The following TNKS variants were observed in gnomAD, a reference collection of about 807,000 sequenced individuals.
The protein encoded by TNKS is tankyrase, also known as poly [ADP-ribose] polymerase tankyrase-1.
TNKS carries 72 observed loss-of-function variants against 135.8 expected under a neutral mutation model. That is an observed-to-expected ratio of 0.53 (90% CI 0.44 to 0.64). The LOEUF is 0.64. Among genes scored for constraint, TNKS ranks in the 30% least tolerant of loss-of-function variants. The pLI, the probability that TNKS is intolerant of heterozygous loss-of-function variation, is 0.00. For missense variants in TNKS, 1,769 were observed against 1,674.0 expected, an observed-to-expected ratio of 1.06 and a Z score of -0.99; for synonymous variants, 849 against 649.3, an observed-to-expected ratio of 1.31 and a Z score of -4.68.
intron 3 of TNKS, among the ~76,000 whole-genome samples, chr8:9,629,016 C>T (rs989251062): frequency 2.0e-5 from 3 of 152,160 alleles, no homozygotes; most frequent in Non-Finnish European, 2.9e-5. Context: ...GTTGGTTTTA[C>T]CTCCAAAATC....
chr8:9,598,054 G>T (rs918759389), intron 2 of TNKS, among the ~76,000 whole-genome samples: 3 of 152,102 alleles, frequency 2.0e-5, no homozygotes, highest in Non-Finnish European at 4.4e-5. Context: ...ACAGCAGAAT[G>T]TTGGCATTTC....
At chr8:9,734,816 CTACT>C (rs1563199313) in intron 15 of TNKS, 45 bp from the exon 16 acceptor site, 2 of 1,456,618 alleles carry the variant, frequency 1.4e-6, no homozygotes, top group African/African-American at 1.4e-5. Flanking sequence ...ACCTACCTAC[CTACT>C]TACTACAGAA....
intron 17 of TNKS, among the ~76,000 whole-genome samples, chr8:9,746,276 T>C (rs973309925): frequency 2.0e-5 from 3 of 152,330 alleles, no homozygotes; most frequent in East Asian, 1.9e-4. Context: ...TATAAAAATA[T>C]ACAAGTTATT....
chr8:9,653,954 G>T (rs1208869895), intron 3 of TNKS, among the ~76,000 whole-genome samples: 6 of 152,064 alleles, frequency 3.9e-5, no homozygotes, highest in African/African-American at 1.2e-4. Flanking sequence ...CATCTGCATG[G>T]TTTTTGTTTC....
chr8:9,701,405 G>A (rs900870735), intron 5 of TNKS, among the ~76,000 whole-genome samples: 3 of 152,188 alleles, frequency 2.0e-5, no homozygotes, highest in Admixed American at 2.0e-4. Flanking sequence ...CAAGAAAGAT[G>A]TGACCCTTTT....
At chr8:9,670,851 C>T (rs1412468974) in intron 3 of TNKS, 1 of 152,168 alleles carries the variant, frequency 6.6e-6, no homozygotes, top group Non-Finnish European at 1.5e-5. Context: ...TTATCCAGAA[C>T]TTTATTGTAG....
chr8:9,563,308 C>A (rs1004500209), intron 1 of TNKS, among the ~76,000 whole-genome samples: 1 of 151,928 alleles, frequency 6.6e-6, no homozygotes, highest in Non-Finnish European at 1.5e-5. Flanking sequence ...TTTTTATTAA[C>A]TTTTTTTCTC....
intron 11 of TNKS, among the ~76,000 whole-genome samples, chr8:9,711,606 A>C (rs1429853908): frequency 6.6e-6 from 1 of 152,192 alleles, no homozygotes; most frequent in African/African-American, 2.4e-5. Context: ...CTTTTTAATG[A>C]AAATAAAAGG....
At chr8:9,603,659 G>A (rs1799105709) in intron 2 of TNKS, among the ~76,000 whole-genome samples, 1 of 152,160 alleles carries the variant, frequency 6.6e-6, no homozygotes, top group Non-Finnish European at 1.5e-5. Flanking sequence ...TACATGATAT[G>A]ATGAGGTTCT....
chr8:9,618,393 C>T (rs953093738), intron 3 of TNKS, among the ~76,000 whole-genome samples: 2 of 152,088 alleles, frequency 1.3e-5, no homozygotes, highest in African/African-American at 4.8e-5. Context: ...TTGGATAGCA[C>T]ACTTGGATAT....
chr8:9,704,513 T>C (rs1803959138), intron 5 of TNKS, 150 bp from the exon 6 acceptor site: 1 of 585,094 alleles, frequency 1.7e-6, no homozygotes, highest in African/African-American at 1.9e-5. Context: ...CAGTAAATTA[T>C]CTCTCCTTAA....
chr8:9,644,044 C>T (rs1392438895), intron 3 of TNKS, among the ~76,000 whole-genome samples: 4 of 152,120 alleles, frequency 2.6e-5, no homozygotes, highest in Non-Finnish European at 4.4e-5. Flanking sequence ...ATGTGGATTC[C>T]ACTTATGGAG....
At chr8:9,701,732 G>A (rs1686730966) in intron 5 of TNKS, among the ~76,000 whole-genome samples, 2 of 152,320 alleles carry the variant, frequency 1.3e-5, no homozygotes, top group Admixed American at 6.5e-5. Context: ...ACACAAGGAG[G>A]GGAAAACCAG....
Position 9,713,641 on chromosome 8 carries a change from C to G in TNKS, c.1749+3421C>G, listed in dbSNP as rs73662507. Among the ~76,000 whole-genome samples, 452 of 152,248 alleles carry G rather than the reference C, an allele frequency of 3.0e-3. 2 individuals are homozygous for G. Among genetic ancestry groups the G allele is most frequent in the African/African-American group, 1.0e-2 (415 of 41,558 alleles). ...CATTGATAACGCTTGCTAGTAGGCACTTAAAAAAGAGGAGAGTTATATTTA... is the reference window on the plus strand; with the variant it reads ...CATTGATAACGCTTGCTAGTAGGCAGTTAAAAAAGAGGAGAGTTATATTTA... On this transcript the variant is annotated intron_variant, in intron 11 of 26. Coordinates refer to ENST00000310430, the MANE Select transcript of TNKS (RefSeq NM_003747.3).
chr8:9,759,898 C>A (rs1057035744), intron 20 of TNKS, among the ~76,000 whole-genome samples: 1 of 151,906 alleles, frequency 6.6e-6, no homozygotes, highest in Admixed American at 6.6e-5. Flanking sequence ...TGGCGTGAAC[C>A]CAGGAGGCGG....
chr8:9,679,581 T>G (rs1802684338), intron 3 of TNKS, among the ~76,000 whole-genome samples: 1 of 152,186 alleles, frequency 6.6e-6, no homozygotes, highest in Non-Finnish European at 1.5e-5. Context: ...TGTCTCAGAA[T>G]GTATTATGCT....
At chr8:9,640,454 T>A (rs2128776258) in intron 3 of TNKS, among the ~76,000 whole-genome samples, 1 of 145,528 alleles carries the variant, frequency 6.9e-6, no homozygotes, top group African/African-American at 2.5e-5. Context: ...AGCTATACTA[T>A]TTGAGTCACT....
chr8:9,734,841 C>G, intron 15 of TNKS, 24 bp from the exon 16 acceptor site: 1 of 1,594,208 alleles, frequency 6.3e-7, no homozygotes, highest in East Asian at 2.2e-5. Flanking sequence ...AATACAAACC[C>G]CATTTGGTTT....
chr8:9,559,551 A>G (rs1797240023), intron 1 of TNKS, among the ~76,000 whole-genome samples: 1 of 151,932 alleles, frequency 6.6e-6, no homozygotes, highest in Admixed American at 6.6e-5. Flanking sequence ...CACCTAGGCA[A>G]TGAGCATAGT....
Sources: gnomAD v4.1 joint callset for allele counts (sites outside exome capture counted in the v4.1 genomes callset) on GRCh38, gnomAD v4.1.1 for gene constraint, MANE v1.5 for transcripts, NCBI Gene and HGNC (gene_info 2026-07-23, HGNC 2026-07-21) for gene names.